ITGA8: variants seen among roughly 807,000 people sequenced by gnomAD.
ITGA8 encodes the protein integrin subunit alpha 8, also known as integrin alpha-8.
Under a neutral mutation model 142.3 loss-of-function variants are expected in ITGA8, and 91 were observed. The ratio of observed to expected loss-of-function variants is 0.64; its 90% CI spans 0.54 to 0.76. The LOEUF (loss-of-function observed/expected upper bound fraction) is 0.76, where lower values mean the gene tolerates loss of function less well. Among genes scored for constraint, ITGA8 ranks in the 30% least tolerant of loss-of-function variants. The pLI is 0.00. For synonymous variants in ITGA8, 505 were observed against 485.2 expected (o/e 1.04, Z -0.54); for missense variants, 1,406 against 1,327.7 (o/e 1.06, Z -0.92).
intron 27 of ITGA8, among the ~76,000 whole-genome samples, chr10:15,547,877 A>C (rs1340676888): frequency 6.6e-6 from 1 of 152,186 alleles, no homozygotes; most frequent in African/African-American, 2.4e-5. Context: ...TACTGTGCCC[A>C]ACACTGGGTA....
chr10:15,551,384 G>T (rs139674787), intron 26 of ITGA8, among the ~76,000 whole-genome samples: 6 of 152,218 alleles, frequency 3.9e-5, no homozygotes, highest in Non-Finnish European at 1.5e-5. Flanking sequence ...AGAGAACCAG[G>T]AGGGGATGTT....
chr10:15,590,017 A>G (rs1008842260), intron 22 of ITGA8, among the ~76,000 whole-genome samples: 1 of 151,870 alleles, frequency 6.6e-6, no homozygotes, highest in African/African-American at 2.4e-5. Context: ...CCCACCTCGG[A>G]CTCCCAAAAT....
At chr10:15,711,643 C>T (rs958900005) in intron 2 of ITGA8, among the ~76,000 whole-genome samples, 1 of 151,814 alleles carries the variant, frequency 6.6e-6, no homozygotes, top group Admixed American at 6.6e-5. Flanking sequence ...TAGAAAGTTC[C>T]ATCAACCTCC....
chr10:15,648,880 A>G (rs1475016146), intron 11 of ITGA8, among the ~76,000 whole-genome samples: 1 of 152,264 alleles, frequency 6.6e-6, no homozygotes, highest in East Asian at 1.9e-4. Context: ...CAACCAATTC[A>G]TTCCCTAATA....
At chr10:15,578,023 A>G (rs950320935) in intron 23 of ITGA8, among the ~76,000 whole-genome samples, 1 of 152,186 alleles carries the variant, frequency 6.6e-6, no homozygotes, top group African/African-American at 2.4e-5. Context: ...GAGAGATTCC[A>G]TGTACCATTT....
chr10:15,556,469 T>TC (rs1833891374), intron 26 of ITGA8, among the ~76,000 whole-genome samples: 1 of 152,162 alleles, frequency 6.6e-6, no homozygotes, highest in African/African-American at 2.4e-5. Flanking sequence ...ACGTGCTTGG[T>TC]CTGTGCCCCC....
intron 27 of ITGA8, among the ~76,000 whole-genome samples, chr10:15,534,838 G>T (rs954085911): frequency 2.0e-5 from 3 of 152,302 alleles, no homozygotes; most frequent in Non-Finnish European, 4.4e-5. Flanking sequence ...CGCTCTCGGC[G>T]CCTCCTCTGC....
At chr10:15,641,180 C>T (rs962808798) in intron 13 of ITGA8, among the ~76,000 whole-genome samples, 2 of 152,112 alleles carry the variant, frequency 1.3e-5, no homozygotes, top group African/African-American at 4.8e-5. Flanking sequence ...CAGCTGCCTG[C>T]GTAGCTGGGA....
chr10:15,686,874 T>C (rs904237226), intron 3 of ITGA8, among the ~76,000 whole-genome samples: 5 of 152,158 alleles, frequency 3.3e-5, no homozygotes, highest in African/African-American at 1.2e-4. Context: ...TGAATAAATA[T>C]GCAACTATTA....
chr10:15,532,997 C>G (rs899214727), intron 27 of ITGA8, among the ~76,000 whole-genome samples: 4 of 152,134 alleles, frequency 2.6e-5, no homozygotes, highest in Non-Finnish European at 5.9e-5. Context: ...CCGTGACGAT[C>G]ATGGTGGTGG....
At chr10:15,574,430 C>T (rs548524211) in intron 24 of ITGA8, among the ~76,000 whole-genome samples, 2 of 152,116 alleles carry the variant, frequency 1.3e-5, no homozygotes, top group African/African-American at 2.4e-5. Flanking sequence ...CTCACTCTGT[C>T]GCCAGGCTGG....
intron 13 of ITGA8, among the ~76,000 whole-genome samples, chr10:15,622,354 ATCT>A (rs1346439542): frequency 2.2e-5 from 2 of 91,114 alleles, no homozygotes; most frequent in Admixed American, 1.1e-4. Flanking sequence ...GCCATTGGAC[ATCT>A]TCTTTTTTTT....
rs772100644 is a variant in ITGA8 at position 15,519,419 on chromosome 10, T to G, written c.2983-7A>C. ...AAATAACTGATGTCTTAATCTGAAA[T>G]GGAAAACAAAGCAAATGAGCTCTAA... On this transcript the variant is annotated splice_polypyrimidine_tract_variant and splice_region_variant and intron_variant, in intron 28 of 29. Coordinates refer to ENST00000378076, the MANE Select transcript of ITGA8 (RefSeq NM_003638.3). 6.2e-7 allele frequency: 1 copy of G among 1,613,300 alleles called. No homozygotes were observed. Among genetic ancestry groups the G allele is most frequent in the South Asian group, 1.1e-5 (1 of 90,978 alleles).
intron 13 of ITGA8, among the ~76,000 whole-genome samples, chr10:15,618,415 T>C (rs1461097545): frequency 6.6e-6 from 1 of 152,238 alleles, no homozygotes; most frequent in African/African-American, 2.4e-5. Flanking sequence ...GGAATTAAAT[T>C]GGTGTAATAG....
chr10:15,602,777 T>C (rs1028334863), intron 20 of ITGA8, among the ~76,000 whole-genome samples: 31 of 152,170 alleles, frequency 2.0e-4, no homozygotes, highest in African/African-American at 7.2e-4. Flanking sequence ...GGGATGATTA[T>C]AAACCACTCA....
At chr10:15,562,015 AACTC>A (rs1333769887) in intron 25 of ITGA8, among the ~76,000 whole-genome samples, 4 of 152,158 alleles carry the variant, frequency 2.6e-5, no homozygotes, top group Non-Finnish European at 2.9e-5. Flanking sequence ...ATCTCGTGAG[AACTC>A]ACTCACTATC....
chr10:15,689,361 T>C (rs1310866807), intron 2 of ITGA8, among the ~76,000 whole-genome samples: 2 of 152,216 alleles, frequency 1.3e-5, no homozygotes, highest in South Asian at 2.1e-4. Context: ...CCTGTGAGAA[T>C]AGAAACTCCG....
chr10:15,636,885 C>T (rs1446307112), intron 13 of ITGA8, among the ~76,000 whole-genome samples: 2 of 152,232 alleles, frequency 1.3e-5, no homozygotes, highest in African/African-American at 4.8e-5. Context: ...TGGCTCACAC[C>T]TGTAATACCA....
chr10:15,692,078 C>T (rs752957270), intron 2 of ITGA8, among the ~76,000 whole-genome samples: 4 of 152,008 alleles, frequency 2.6e-5, no homozygotes, highest in South Asian at 2.1e-4. Flanking sequence ...GCTGGAAATA[C>T]GGGTGCATGC....
Sources: allele counts gnomAD v4.1 joint callset (sites outside exome capture counted in the v4.1 genomes callset), GRCh38; gene constraint gnomAD v4.1.1; transcripts MANE v1.5; gene names NCBI Gene and HGNC (gene_info 2026-07-23, HGNC 2026-07-21).